MGAT4D: variants seen among roughly 807,000 people sequenced by gnomAD.
The protein encoded by MGAT4D is alpha-1,3-mannosyl-glycoprotein 4-beta-N-acetylglucosaminyltransferase-like protein MGAT4D.
Under a neutral mutation model 15.9 loss-of-function variants are expected in MGAT4D, and 34 were observed. That is an observed-to-expected ratio of 2.14 (90% CI 1.62 to 2.84). MGAT4D has a LOEUF of 2.84. MGAT4D is among the 30% of genes most tolerant of loss of function. The probability of loss-of-function intolerance (pLI) is 0.00; values close to 1 mark genes in which losing one functional copy is unlikely to be tolerated. For synonymous variants in MGAT4D, 112 were observed against 48.2 expected (o/e 2.33, Z -5.49); for missense variants, 327 against 140.2 (o/e 2.33, Z -6.73).
intron 5 of MGAT4D, among the ~76,000 whole-genome samples, chr4:140,468,903 C>A (rs985146748): frequency 1.3e-5 from 2 of 152,078 alleles, no homozygotes; most frequent in Non-Finnish European, 2.9e-5. Context: ...TTTCCCCCAA[C>A]AAATTAATTT....
At chr4:140,481,169 G>A (rs1415836516) in intron 2 of MGAT4D, among the ~76,000 whole-genome samples, 2 of 151,994 alleles carry the variant, frequency 1.3e-5, no homozygotes, top group East Asian at 3.9e-4. Context: ...GCCAGGTGTG[G>A]TAGCACATGA....
At chr4:140,456,100 T>A (rs1032002340) in intron 9 of MGAT4D, among the ~76,000 whole-genome samples, 3 of 152,202 alleles carry the variant, frequency 2.0e-5, no homozygotes, top group Non-Finnish European at 4.4e-5. Context: ...ATTGTGCCAC[T>A]GCAATCCAGC....
In MGAT4D at chr4:140,444,232, T is replaced by C. The variant is rs191318926; in HGVS notation, c.1117-788A>G. On this transcript the variant is annotated intron_variant, in intron 10 of 10. Transcript: ENST00000511113. ...AGTATTTTTTTTAAAAAAGCTTTCA[T>C]TTTAGGCTCAGGGGTACATGTGTAG... is the stretch of plus-strand genomic sequence containing the variant. Among the ~76,000 whole-genome samples, 156 of 152,288 alleles carry C rather than the reference T, an allele frequency of 1.0e-3. 1 individual carries two copies. Among genetic ancestry groups the C allele is most frequent in the African/African-American group, 3.5e-3 (146 of 41,572 alleles).
At chr4:140,460,686 A>C (rs1400515638) in intron 7 of MGAT4D, among the ~76,000 whole-genome samples, 1 of 152,166 alleles carries the variant, frequency 6.6e-6, no homozygotes, top group Admixed American at 6.5e-5. Context: ...AACTACAAAA[A>C]ATTAGTCGGG....
At chr4:140,485,294 C>A (rs1451268494) in intron 1 of MGAT4D, among the ~76,000 whole-genome samples, 1 of 151,868 alleles carries the variant, frequency 6.6e-6, no homozygotes, top group African/African-American at 2.4e-5. Flanking sequence ...AGTAAACTAT[C>A]ACAAGGACAA....
chr4:140,461,040 G>A (rs1023226843), intron 7 of MGAT4D, among the ~76,000 whole-genome samples: 6 of 152,286 alleles, frequency 3.9e-5, no homozygotes, highest in African/African-American at 1.2e-4. Context: ...CCATAAGAGA[G>A]ACAGGGCAAT....
At chr4:140,481,900 T>C (rs1732758053) in intron 2 of MGAT4D, among the ~76,000 whole-genome samples, 1 of 152,212 alleles carries the variant, frequency 6.6e-6, no homozygotes. Context: ...TAGCTGTATG[T>C]TACTAGTCAC....
intron 5 of MGAT4D, among the ~76,000 whole-genome samples, chr4:140,466,427 A>G (rs927797943): frequency 1.3e-5 from 2 of 152,196 alleles, no homozygotes; most frequent in African/African-American, 2.4e-5. Context: ...AACTGATCCA[A>G]ACTTAGAAAG....
chr4:140,492,207 C>T (rs560456760), intron 1 of MGAT4D, among the ~76,000 whole-genome samples: 143 of 151,928 alleles, frequency 9.4e-4, no homozygotes, highest in Non-Finnish European at 1.7e-3. Flanking sequence ...ACACAAGCCA[C>T]GAGGAGAGGC....
intron 1 of MGAT4D, among the ~76,000 whole-genome samples, chr4:140,492,335 A>G (rs952172767): frequency 5.3e-5 from 8 of 152,296 alleles, no homozygotes; most frequent in African/African-American, 1.4e-4. Context: ...ACCACCTCAG[A>G]TTATAGATAA....
intron 5 of MGAT4D, among the ~76,000 whole-genome samples, chr4:140,469,463 G>A (rs538259623): frequency 1.3e-5 from 2 of 152,214 alleles, no homozygotes; most frequent in South Asian, 2.1e-4. Context: ...GTCCCCAGTC[G>A]TCTAAAAAGT....
chr4:140,476,173 C>T (rs1439675250), intron 3 of MGAT4D, among the ~76,000 whole-genome samples: 5 of 152,104 alleles, frequency 3.3e-5, no homozygotes, highest in African/African-American at 4.8e-5. Flanking sequence ...GCCCATTTCT[C>T]TAATGAGTTG....
intron 10 of MGAT4D, among the ~76,000 whole-genome samples, chr4:140,449,751 C>T (rs1438400176): frequency 1.3e-5 from 1 of 78,388 alleles, no homozygotes. Context: ...CAGAGTGAGA[C>T]TCCTTCTCAA....
At chr4:140,464,730 T>C (rs1344509574) in intron 6 of MGAT4D, among the ~76,000 whole-genome samples, 166 bp downstream of exon 6, 2 of 152,200 alleles carry the variant, frequency 1.3e-5, no homozygotes, top group African/African-American at 2.4e-5. Flanking sequence ...CTCGATGTTA[T>C]TGAATACAGA....
chr4:140,493,985 C>G (rs1733672846), intron 1 of MGAT4D, among the ~76,000 whole-genome samples: 1 of 152,176 alleles, frequency 6.6e-6, no homozygotes, highest in Admixed American at 6.5e-5. Context: ...ATGGAAGTGG[C>G]AGGCAAGTGT....
At position 140,474,945 on chromosome 4, in the gene MGAT4D, A is replaced by G; in HGVS notation, c.393T>C (p.Val131=). ...CAGTGGAAATACCCAGCGCAAAAGA[A>G]ACTGTGGACATAGGAGTATGAAATC... ...DVIIGKGKTG[V]SFALGISTVN... is the part of the protein sequence containing the mutation. Residue 131 remains valine (V), a splice_region_variant and synonymous_variant, in exon 4 of 11, where the codon GTT becomes GTC. Coordinates refer to ENST00000511113, the MANE Select transcript of MGAT4D (RefSeq NM_001277353.2). The G allele has an allele frequency of 1.5e-6, 1 of 679,640 alleles. No individual in the cohort carries two copies. The highest frequency in any genetic ancestry group is 1.6e-5 in the South Asian group (1 of 62,978). 42.1% of individuals were successfully genotyped at this position (679,640 alleles called of 1,614,324 possible).
chr4:140,482,610 A>G (rs562399539), intron 1 of MGAT4D, 125 bp from the exon 2 acceptor site: 1 of 442,460 alleles, frequency 2.3e-6, no homozygotes, highest in South Asian at 4.2e-5. Flanking sequence ...TATGTATTAT[A>G]TGTGTATATA....
rs1181061118 is a variant in MGAT4D, at chr4:140,456,463, G to T, written c.1008+126C>A. The T allele has an allele frequency of 2.9e-5, 12 of 414,578 alleles. No individual in the cohort carries two copies. In the East Asian group the frequency reaches 4.4e-4, roughly 15 times the overall value. 25.7% of individuals were successfully genotyped at this position (414,578 alleles called of 1,614,324 possible). A position where few individuals can be genotyped will look rare whatever the true frequency, so the allele number is the denominator to read the frequency against. ...TAATAGGTAGAAAGATCAAAATTTG[G>T]GATATTAGAAATTTTAAAAATTGGT... On this transcript the variant is annotated intron_variant, in intron 9 of 10. Coordinates refer to ENST00000511113, the MANE Select transcript of MGAT4D (RefSeq NM_001277353.2).
chr4:140,497,925 G>T (rs1213952710), intron 1 of MGAT4D, among the ~76,000 whole-genome samples: 1 of 152,172 alleles, frequency 6.6e-6, no homozygotes, highest in Non-Finnish European at 1.5e-5. Context: ...GGAGGTCGGG[G>T]CGCGGGTTAC....
Sources: gnomAD v4.1 joint callset for allele counts (sites outside exome capture counted in the v4.1 genomes callset) on GRCh38, gnomAD v4.1.1 for gene constraint, MANE v1.5 for transcripts, NCBI Gene and HGNC (gene_info 2026-07-23, HGNC 2026-07-21) for gene names.